DPH5: variants seen among roughly 807,000 people sequenced by gnomAD.
The protein encoded by DPH5 is diphthamide biosynthesis 5, also known as diphthine methyl ester synthase.
In DPH5, 31 loss-of-function variants were observed where a neutral mutation model predicts 31.6. The observed-to-expected ratio is 0.98, with a 90% confidence interval of 0.74 to 1.32. The LOEUF (loss-of-function observed/expected upper bound fraction) is 1.32. DPH5 is among the 40% of genes most tolerant of loss of function. The pLI, the probability that DPH5 is intolerant of heterozygous loss-of-function variation, is 0.00. For missense variants in DPH5, 309 were observed against 335.7 expected (o/e 0.92, Z 0.62); for synonymous variants, 120 against 115.0 (o/e 1.04, Z -0.28).
At chr1:101,013,183 T>C (rs1007276743) in intron 4 of DPH5, among the ~76,000 whole-genome samples, 1 of 152,188 alleles carries the variant, frequency 6.6e-6, no homozygotes, top group Non-Finnish European at 1.5e-5. Flanking sequence ...ATATAAATGA[T>C]AGTAGCTAAG....
In DPH5 at chr1:100,992,780, A is replaced by G. The variant is rs773917305; in HGVS notation, c.531-40T>C. 1.2e-5 allele frequency: 17 copies of G among 1,372,036 alleles called. No individual in the cohort carries two copies. In the South Asian group the frequency reaches 1.3e-4, roughly 11 times the overall value. 85.0% of individuals were successfully genotyped at this position (1,372,036 alleles called of 1,614,324 possible). A position where few individuals can be genotyped will look rare whatever the true frequency, so the allele number is the denominator to read the frequency against. On this transcript the variant is annotated intron_variant, in intron 6 of 7. Transcript: ENST00000370109. The stretch of plus-strand genomic sequence containing the variant: ...CTAGATGCCACTGTTCTTAGCCATG[A>G]AACTACATAATATGTTATTAATGCA...
Position 100,997,838 on chromosome 1 carries a change from G to C in DPH5, c.491-2689C>G, listed in dbSNP as rs115141563. On this transcript the variant is annotated intron_variant, in intron 5 of 7. Transcript: ENST00000370109. Reference sequence around the variant, plus strand: ...TCCCTCAGATACATCTACTTCTTTAGCAAAAGTCCTTTTAAAAATTATCCT... The same window carrying C: ...TCCCTCAGATACATCTACTTCTTTACCAAAAGTCCTTTTAAAAATTATCCT... Among the ~76,000 whole-genome samples, 1,441 of 152,018 alleles carry C rather than the reference G, an allele frequency of 9.5e-3. 22 individuals carry two copies. The highest frequency in any genetic ancestry group is 0.033 in the African/African-American group (1,381 of 41,384).
intron 4 of DPH5, among the ~76,000 whole-genome samples, chr1:101,008,579 T>G (rs1370577924): frequency 6.6e-6 from 1 of 152,128 alleles, no homozygotes; most frequent in Non-Finnish European, 1.5e-5. Flanking sequence ...TCAACATAGA[T>G]ATATTCTAAG....
At position 100,993,977 on chromosome 1, in the gene DPH5, C is replaced by T. The variant is rs539299259; in HGVS notation, c.530+1133G>A. 7.0e-4 allele frequency among the ~76,000 whole-genome samples: 106 copies of T among 152,006 alleles called. 1 individual carries two copies. Among genetic ancestry groups the T allele is most frequent in the East Asian group, 5.2e-3 (27 of 5,152 alleles). On this transcript the variant is annotated intron_variant, in intron 6 of 7. Coordinates refer to ENST00000370109, the MANE Select transcript of DPH5 (RefSeq NM_015958.3). ...CAGGCTGGTCTCGAACTGCTGACCT[C>T]GTGATCCACCTGCCTCGGCCTCCCA...
chr1:100,997,525 C>T (rs1658468247), intron 5 of DPH5, among the ~76,000 whole-genome samples: 1 of 137,082 alleles, frequency 7.3e-6, no homozygotes, highest in Non-Finnish European at 1.7e-5. Context: ...GCCACCACGC[C>T]CGGCTAATTT....
intron 4 of DPH5, among the ~76,000 whole-genome samples, chr1:101,007,115 A>T (rs1659285663): frequency 6.6e-6 from 1 of 152,344 alleles, no homozygotes; most frequent in South Asian, 2.1e-4. Flanking sequence ...CAGAATTTGT[A>T]ATTTTTTCTA....
At chr1:100,995,565 T>C (rs760156710) in intron 5 of DPH5, 4 of 157,748 alleles carry the variant, frequency 2.5e-5, no homozygotes, top group Admixed American at 6.1e-5. Context: ...GTCTTTTGCT[T>C]TCTGACGAAT....
intron 5 of DPH5, 146 bp from the exon 6 acceptor site, chr1:100,995,295 A>G: frequency 1.9e-6 from 1 of 539,548 alleles, no homozygotes; most frequent in Non-Finnish European, 3.3e-6. Flanking sequence ...AGTAACATAG[A>G]GAAGAATGGA....
chr1:101,006,450 T>C (rs1659237064), intron 4 of DPH5, among the ~76,000 whole-genome samples: 1 of 152,136 alleles, frequency 6.6e-6, no homozygotes, highest in Admixed American at 6.5e-5. Flanking sequence ...AAATTAAATA[T>C]GCTCATGACT....
At chr1:100,991,806 C>T (rs1275994014) in intron 7 of DPH5, among the ~76,000 whole-genome samples, 1 of 107,490 alleles carries the variant, frequency 9.3e-6, no homozygotes, top group Non-Finnish European at 2.0e-5. Flanking sequence ...AAAAAAAAGT[C>T]TCACAGTGGG....
At chr1:101,023,396 AGTAACTGTTCT>A (rs1341950360) in intron 2 of DPH5, 4 of 152,212 alleles carry the variant, frequency 2.6e-5, no homozygotes, top group African/African-American at 7.2e-5. Context: ...AACAGTGCAC[AGTAACTGTTCT>A]GTAACTGTTC....
At chr1:100,997,601 G>A (rs925279857) in intron 5 of DPH5, among the ~76,000 whole-genome samples, 2 of 152,050 alleles carry the variant, frequency 1.3e-5, no homozygotes, top group African/African-American at 2.4e-5. Context: ...TTCTGACCTC[G>A]TGATCCACCC....
chr1:101,001,780 T>C lies in DPH5; in HGVS notation c.370-193A>G, dbSNP rs75093304. 6.4e-3 allele frequency among the ~76,000 whole-genome samples: 969 copies of C among 152,292 alleles called. 15 individuals are homozygous for C. Among genetic ancestry groups the C allele is most frequent in the African/African-American group, 0.02 (840 of 41,560 alleles). ...ATGGTAGCTGGTGTCTTTCTGATGC[T>C]AGTAGTAAGTAAGTTTCAGTAATAA... is the stretch of plus-strand genomic sequence containing the variant. On this transcript the variant is annotated intron_variant, in intron 4 of 7. Coordinates refer to ENST00000370109, the MANE Select transcript of DPH5 (RefSeq NM_015958.3).
intron 3 of DPH5, among the ~76,000 whole-genome samples, chr1:101,020,015 T>C (rs1171127723): frequency 6.6e-6 from 1 of 152,184 alleles, no homozygotes; most frequent in Non-Finnish European, 1.5e-5. Flanking sequence ...GTTGTACCAT[T>C]TGGTTTTAGC....
chr1:101,011,976 C>T (rs2101240301), intron 4 of DPH5, among the ~76,000 whole-genome samples: 1 of 147,730 alleles, frequency 6.8e-6, no homozygotes, highest in East Asian at 2.0e-4. Flanking sequence ...TCTCAGCTCA[C>T]TGCAACCTCC....
chr1:100,995,080 C>T (rs201066961), intron 6 of DPH5, 30 bp downstream of exon 6: 4 of 1,494,868 alleles, frequency 2.7e-6, no homozygotes, highest in Non-Finnish European at 3.7e-6. Flanking sequence ...AAATAAAACA[C>T]ATGTATGCAT....
intron 5 of DPH5, among the ~76,000 whole-genome samples, chr1:100,998,103 C>T (rs1229267952): frequency 1.3e-5 from 2 of 152,102 alleles, no homozygotes; most frequent in African/African-American, 4.8e-5. Context: ...TGGCAATAAA[C>T]TAAAATAAGA....
intron 4 of DPH5, among the ~76,000 whole-genome samples, chr1:101,003,253 C>T (rs980171129): frequency 6.6e-6 from 1 of 152,206 alleles, no homozygotes; most frequent in Non-Finnish European, 1.5e-5. Context: ...AATATGTTCA[C>T]TCTGTGCCAA....
chr1:100,997,742 T>C (rs779160060), intron 5 of DPH5, among the ~76,000 whole-genome samples: 14 of 152,226 alleles, frequency 9.2e-5, no homozygotes, highest in Non-Finnish European at 1.8e-4. Context: ...CCTGTTCTGT[T>C]TTAGAACCTT....
Sources: allele counts gnomAD v4.1 joint callset (sites outside exome capture counted in the v4.1 genomes callset), GRCh38; gene constraint gnomAD v4.1.1; transcripts MANE v1.5; gene names NCBI Gene and HGNC (gene_info 2026-07-23, HGNC 2026-07-21).